The following SPTB variants were observed in gnomAD, a reference collection of about 807,000 sequenced individuals.
The protein encoded by SPTB is spectrin beta, erythrocytic, also known as spectrin beta chain, erythrocytic.
In SPTB, 45 loss-of-function variants were observed where a neutral mutation model predicts 256.2. The ratio of observed to expected loss-of-function variants is 0.18; its 90% CI spans 0.14 to 0.23. The LOEUF (loss-of-function observed/expected upper bound fraction) is 0.23, where lower values mean the gene tolerates loss of function less well. Ranked by LOEUF, SPTB falls within the 10% of genes least tolerant of loss-of-function variation. The pLI, the probability that SPTB is intolerant of heterozygous loss-of-function variation, is 1.00. For missense variants in SPTB, 2,715 were observed against 3,040.4 expected (o/e 0.89, Z 2.52); for synonymous variants, 1,231 against 1,243.1 (o/e 0.99, Z 0.21).
chr14:64,768,733 C>A (rs1355706208), intron 29 of SPTB, among the ~76,000 whole-genome samples: 2 of 152,114 alleles, frequency 1.3e-5, no homozygotes, highest in Non-Finnish European at 2.9e-5. Context: ...AACTCCTCCC[C>A]CAGGCCATAG....
At chr14:64,753,945 C>T in intron 32 of SPTB, 152 bp from the exon 33 acceptor site, 1 of 975,474 alleles carries the variant, frequency 1.0e-6, no homozygotes. Flanking sequence ...CCTGGCTCTC[C>T]CACAACCTGC....
intron 1 of SPTB, among the ~76,000 whole-genome samples, chr14:64,833,238 G>C (rs1219368991): frequency 6.6e-6 from 1 of 152,160 alleles, no homozygotes; most frequent in Non-Finnish European, 1.5e-5. Flanking sequence ...ACTCAGCCCA[G>C]CCTCATTTCC....
chr14:64,767,415 T>C, intron 30 of SPTB, 63 bp from the exon 31 acceptor site: 1 of 1,605,064 alleles, frequency 6.2e-7, no homozygotes, highest in Non-Finnish European at 8.5e-7. Flanking sequence ...TCTCAGACGA[T>C]CTCCCTCTGG....
chr14:64,806,119 C>T lies in SPTB; in HGVS notation c.149-1029G>A, dbSNP rs1342480393. On this transcript the variant is annotated intron_variant, in intron 2 of 35. Coordinates refer to ENST00000644917, the MANE Select transcript of SPTB (RefSeq NM_001355436.2). The surrounding 1 kb of genome is among the most constrained non-coding windows in gnomAD (Gnocchi z 4.1). ...AAGATGCTGGAGAGAGGACAGAAGA[C>T]TGGGATGGCACAAAAAAAAGAGAGA... is the stretch of plus-strand genomic sequence containing the variant. 6.9e-6 allele frequency among the ~76,000 whole-genome samples: 1 copy of T among 144,022 alleles called. No homozygotes were observed. The highest frequency in any genetic ancestry group is 1.5e-5 in the Non-Finnish European group (1 of 67,412). 94.5% of individuals were successfully genotyped at this position (144,022 alleles called of 152,430 possible).
chr14:64,857,321 G>A lies in SPTB; in HGVS notation c.-52+22471C>T, dbSNP rs1428520702. On this transcript the variant is annotated intron_variant, in intron 1 of 35. Coordinates refer to ENST00000644917, the MANE Select transcript of SPTB (RefSeq NM_001355436.2). The stretch of plus-strand genomic sequence containing the variant: ...TCCCGGGCCGGACACAGTGGCCCAC[G>A]CTTATAATCCTGACACTTTGGGAGG... Among the ~76,000 whole-genome samples, 8 of 152,062 alleles carry A rather than the reference G, an allele frequency of 5.3e-5. No individual in the cohort carries two copies. The South Asian group carries it at 6.2e-4, about 12-fold the overall frequency.
At chr14:64,858,235 A>G (rs1411234401) in intron 1 of SPTB, among the ~76,000 whole-genome samples, 3 of 152,198 alleles carry the variant, frequency 2.0e-5, no homozygotes, top group Non-Finnish European at 4.4e-5. Context: ...GGTGCAGTAA[A>G]CAGAGGGTGC....
At position 64,805,057 on chromosome 14, in the gene SPTB, G is replaced by A. The variant is rs532240291; in HGVS notation, c.182C>T (p.Thr61Met). 5.9e-5 allele frequency: 96 copies of A among 1,614,166 alleles called. No individual in the cohort carries two copies. The highest frequency in any genetic ancestry group is 4.3e-4 in the South Asian group (39 of 91,078). Reference protein sequence around the residue: ...EREVVQKKTFTKWVNSHLARV... With the variant: ...EREVVQKKTFMKWVNSHLARV... ...AGCCAGGTGCGAGTTCACCCATTTC[G>A]TGAAGGTCTTTTTCTGAACAACTTC... The change falls in exon 3 of 36, where the codon ACG becomes ATG. Residue 61 changes from threonine to methionine, a missense_variant. By Grantham distance (81) the Thr-to-Met change is moderately conservative. Coordinates refer to ENST00000644917, the MANE Select transcript of SPTB (RefSeq NM_001355436.2).
rs763291233 is a variant in SPTB at position 64,758,571 on chromosome 14, T to G, written c.6346-4778A>C. Among the ~76,000 whole-genome samples the G allele has an allele frequency of 2.0e-5, 3 of 152,250 alleles. No individual in the cohort carries two copies. Among genetic ancestry groups the G allele is most frequent in the Non-Finnish European group, 4.4e-5 (3 of 68,044 alleles). On this transcript the variant is annotated intron_variant, in intron 32 of 35. Transcript: ENST00000644917. The surrounding 1 kb of genome is among the most constrained non-coding windows in gnomAD (Gnocchi z 4.6). Reference sequence around the variant, plus strand: ...GTGGAGGGCTCTGGTAATTCACAAGTGGATTTTACAAACAGCTCACAACTT... The same window carrying G: ...GTGGAGGGCTCTGGTAATTCACAAGGGGATTTTACAAACAGCTCACAACTT...
rs1211895572 is a variant in SPTB, at chr14:64,806,361, T to C, written c.149-1271A>G. Among the ~76,000 whole-genome samples the C allele has an allele frequency of 1.3e-5, 2 of 152,014 alleles. No homozygotes were observed. Among genetic ancestry groups the C allele is most frequent in the Admixed American group, 6.6e-5 (1 of 15,258 alleles). On this transcript the variant is annotated intron_variant, in intron 2 of 35. Transcript: ENST00000644917. This position sits in a 1 kb window ranked among gnomAD's most constrained non-coding sequence, Gnocchi z 4.1. The stretch of plus-strand genomic sequence containing the variant: ...GGGCCTGAGGGTTGTGGAGGATCCC[T>C]GGGGAGGGTACATGGCAGTGGAGGG...
In SPTB at chr14:64,753,350, G is replaced by T. The variant is rs1057387997; in HGVS notation, c.6602+187C>A. On this transcript the variant is annotated intron_variant, in intron 33 of 35. Coordinates refer to ENST00000644917, the MANE Select transcript of SPTB (RefSeq NM_001355436.2). ...ATTTGAATTCAGGACCAGAACTGGA[G>T]ATAGGCTTTCCCATCATGCCAAGTA... 9.2e-5 allele frequency among the ~76,000 whole-genome samples: 14 copies of T among 152,290 alleles called. 1 individual carries two copies. The South Asian group carries it at 1.0e-3, about 11-fold the overall frequency.
chr14:64,756,726 G>A (rs1469816337), intron 32 of SPTB: 2 of 152,194 alleles, frequency 1.3e-5, no homozygotes, highest in Non-Finnish European at 2.9e-5. Flanking sequence ...GGTATAGGAG[G>A]CAGTTCGGAA....
In SPTB at chr14:64,806,406, T is replaced by C. The variant is rs372245310; in HGVS notation, c.149-1316A>G. Among the ~76,000 whole-genome samples the C allele has an allele frequency of 5.1e-4, 77 of 152,310 alleles. No individual in the cohort carries two copies. The highest frequency in any genetic ancestry group is 1.6e-3 in the African/African-American group (65 of 41,578). On this transcript the variant is annotated intron_variant, in intron 2 of 35. Coordinates refer to ENST00000644917, the MANE Select transcript of SPTB (RefSeq NM_001355436.2). This position sits in a 1 kb window ranked among gnomAD's most constrained non-coding sequence, Gnocchi z 4.1. ...GGAGGGGGAGATCACAGCCAGGACA[T>C]ACCTGGAGTGGCCTAGCCAGGAGCG...
chr14:64,768,541 T>C (rs1378040931), intron 29 of SPTB, among the ~76,000 whole-genome samples: 1 of 152,102 alleles, frequency 6.6e-6, no homozygotes, highest in Non-Finnish European at 1.5e-5. Context: ...GAATGGTGGC[T>C]TTTCCCCACC....
At position 64,772,991 on chromosome 14, in the gene SPTB, G is replaced by A. The variant is rs2082301846; in HGVS notation, c.5179-37C>T. ...GCAGACAGAAATGTGGTTATGGGGG[G>A]CACAGGGGTTACAGGTGTCACCAGC... On this transcript the variant is annotated intron_variant, in intron 25 of 35. Coordinates refer to ENST00000644917, the MANE Select transcript of SPTB (RefSeq NM_001355436.2). This position sits in a 1 kb window ranked among gnomAD's most constrained non-coding sequence, Gnocchi z 5.4. 3 of 1,588,738 alleles carry A rather than the reference G, an allele frequency of 1.9e-6. No individual in the cohort carries two copies. Among genetic ancestry groups the A allele is most frequent in the Admixed American group, 1.7e-5 (1 of 59,318 alleles).
chr14:64,861,030 T>G (rs1011681227), intron 1 of SPTB, among the ~76,000 whole-genome samples: 1 of 152,206 alleles, frequency 6.6e-6, no homozygotes, highest in African/African-American at 2.4e-5. Flanking sequence ...TAAAAAGGAA[T>G]GAGATCATGT....
chr14:64,850,528 G>A (rs2083767681), intron 1 of SPTB, among the ~76,000 whole-genome samples: 1 of 152,166 alleles, frequency 6.6e-6, no homozygotes, highest in Non-Finnish European at 1.5e-5. Context: ...CACAAACCCT[G>A]GCTTCTTTCA....
In SPTB at chr14:64,759,956, G is replaced by A. The variant is rs2082069579; in HGVS notation, c.6346-6163C>T. Among the ~76,000 whole-genome samples the A allele has an allele frequency of 6.6e-6, 1 of 152,226 alleles. No homozygotes were observed. The highest frequency in any genetic ancestry group is 2.4e-5 in the African/African-American group (1 of 41,448). ...CCTCTGGTTTGGGGAAGAGGCAGGG[G>A]GAGGTGTCTGAGGAGCTGTGTGTAC... On this transcript the variant is annotated intron_variant, in intron 32 of 35. Coordinates refer to ENST00000644917, the MANE Select transcript of SPTB (RefSeq NM_001355436.2). This position sits in a 1 kb window ranked among gnomAD's most constrained non-coding sequence, Gnocchi z 4.8.
At position 64,746,887 on chromosome 14, in the gene SPTB, GGA is replaced by G; in HGVS notation, c.*2417_*2418del. ...GTCAAAAGACTGTAGAGTAGAATAA[GGA>G]GAGAAAAAAAAAAAAAGACCTTGCT... On this transcript the variant is annotated 3_prime_UTR_variant, in exon 36 of 36. Transcript: ENST00000644917. The surrounding 1 kb of genome is among the most constrained non-coding windows in gnomAD (Gnocchi z 4.9). The G allele has an allele frequency of 6.6e-6, 1 of 151,840 alleles. No individual in the cohort carries two copies. The highest frequency in any genetic ancestry group is 2.1e-4 in the South Asian group (1 of 4,784). 9.4% of individuals were successfully genotyped at this position (151,840 alleles called of 1,614,324 possible). A position where few individuals can be genotyped will look rare whatever the true frequency, so the allele number is the denominator to read the frequency against.
At chr14:64,752,958 A>G (rs1391880535) in intron 33 of SPTB, among the ~76,000 whole-genome samples, 1 of 152,014 alleles carries the variant, frequency 6.6e-6, no homozygotes, top group Non-Finnish European at 1.5e-5. Flanking sequence ...TCAGGAAAGG[A>G]CGCAGCCTTT....
Sources: gnomAD v4.1 joint callset for allele counts (sites outside exome capture counted in the v4.1 genomes callset) on GRCh38, gnomAD v4.1.1 for gene constraint, Gnocchi (gnomAD v3.1) non-coding constraint, MANE v1.5 for transcripts, NCBI Gene and HGNC (gene_info 2026-07-23, HGNC 2026-07-21) for gene names.